The following TMC2 variants were observed in gnomAD, a reference collection of about 807,000 sequenced individuals.
The protein encoded by TMC2 is transmembrane channel-like protein 2.
Under a neutral mutation model 105.9 loss-of-function variants are expected in TMC2, and 102 were observed. The ratio of observed to expected loss-of-function variants is 0.96; its 90% CI spans 0.82 to 1.14. The LOEUF is 1.14. Ranked by LOEUF, TMC2 falls within the 50% of genes most tolerant of loss-of-function variation. The pLI is 0.00. For missense variants in TMC2, 1,093 were observed against 1,134.3 expected, an observed-to-expected ratio of 0.96 and a Z score of 0.52; for synonymous variants, 402 against 422.8, an observed-to-expected ratio of 0.95 and a Z score of 0.60.
chr20:2,581,964 T>G (rs1439846909), intron 7 of TMC2, among the ~76,000 whole-genome samples: 1 of 150,754 alleles, frequency 6.6e-6, no homozygotes, highest in African/African-American at 2.4e-5. Flanking sequence ...CATACTGGAG[T>G]GGGTTGAGAG....
chr20:2,622,059 T>C (rs2086529220), intron 16 of TMC2, among the ~76,000 whole-genome samples: 2 of 152,160 alleles, frequency 1.3e-5, no homozygotes, highest in South Asian at 4.2e-4. Flanking sequence ...AAATGAAACA[T>C]TGTCATACAG....
At chr20:2,568,088 A>G (rs570944280) in intron 4 of TMC2, among the ~76,000 whole-genome samples, 14 of 152,362 alleles carry the variant, frequency 9.2e-5, no homozygotes, top group African/African-American at 3.4e-4. Flanking sequence ...ATTCAAAGAA[A>G]TTATGGCTAA....
rs866511297 is a variant in TMC2 at position 2,537,329 on chromosome 20, G to C, written c.82+13G>C. 6.3e-7 allele frequency: 1 copy of C among 1,594,510 alleles called. No homozygotes were observed. The highest frequency in any genetic ancestry group is 8.5e-7 in the Non-Finnish European group (1 of 1,170,336). The stretch of plus-strand genomic sequence containing the variant: ...TCTCCACACACAGGTGAGATGGGGT[G>C]GTGGGGTCTCTGGGGAGCCTGCAGT... On this transcript the variant is annotated intron_variant, in intron 2 of 19. Coordinates refer to ENST00000358864, the MANE Select transcript of TMC2 (RefSeq NM_080751.3).
intron 5 of TMC2, 144 bp downstream of exon 5, chr20:2,572,413 G>A (rs1008862291): frequency 9.1e-5 from 59 of 645,464 alleles, no homozygotes; most frequent in Non-Finnish European, 1.4e-4. Flanking sequence ...TGACCATTCT[G>A]ATCCATCTAG....
At chr20:2,632,836 G>A (rs1461819675) in intron 17 of TMC2, among the ~76,000 whole-genome samples, 3 of 152,116 alleles carry the variant, frequency 2.0e-5, no homozygotes, top group Non-Finnish European at 2.9e-5. Flanking sequence ...TGATTCACCC[G>A]CCTCAGCCTC....
At position 2,616,248 on chromosome 20, in the gene TMC2, C is replaced by A; in HGVS notation, c.1940+44C>A. On this transcript the variant is annotated intron_variant, in intron 15 of 19. Transcript: ENST00000358864. This position sits in a 1 kb window ranked among gnomAD's most constrained non-coding sequence, Gnocchi z 4.8. ...CTGGTGATCGCCTCATCCAAGGAGTCAAAAAACTGGAATCCCAGACTTTGC... is the reference window on the plus strand; with the variant it reads ...CTGGTGATCGCCTCATCCAAGGAGTAAAAAAACTGGAATCCCAGACTTTGC... 1 of 1,541,742 alleles carries A rather than the reference C, an allele frequency of 6.5e-7. No homozygotes were observed. Among genetic ancestry groups the A allele is most frequent in the Non-Finnish European group, 9.0e-7 (1 of 1,115,088 alleles).
intron 16 of TMC2, among the ~76,000 whole-genome samples, chr20:2,618,557 C>G (rs1449467713): frequency 6.6e-6 from 1 of 152,232 alleles, no homozygotes; most frequent in Admixed American, 6.5e-5. Flanking sequence ...CAGACCTCAA[C>G]TGAGCTCTCT....
At chr20:2,608,883 T>C (rs992711683) in intron 11 of TMC2, among the ~76,000 whole-genome samples, 4 of 152,262 alleles carry the variant, frequency 2.6e-5, no homozygotes, top group African/African-American at 9.6e-5. Flanking sequence ...GGGCAGAGTG[T>C]GTGTGACTTT....
At chr20:2,614,088 A>C (rs1245173335) in intron 14 of TMC2, 1 of 152,186 alleles carries the variant, frequency 6.6e-6, no homozygotes, top group East Asian at 1.9e-4. Flanking sequence ...GTTTTAAACA[A>C]GTCTGCTGAG....
At chr20:2,631,237 C>A (rs1483954871) in intron 17 of TMC2, among the ~76,000 whole-genome samples, 1 of 152,194 alleles carries the variant, frequency 6.6e-6, no homozygotes, top group African/African-American at 2.4e-5. Context: ...CAGGTTGTTT[C>A]TGCCACACAA....
chr20:2,617,345 C>A (rs372656629), intron 16 of TMC2, 34 bp downstream of exon 16: 6 of 1,612,782 alleles, frequency 3.7e-6, no homozygotes, highest in Admixed American at 1.7e-5. Flanking sequence ...AGCACCTCCC[C>A]TCCCGAGGCA....
chr20:2,617,336 G>A, intron 16 of TMC2, 25 bp downstream of exon 16: 1 of 1,613,432 alleles, frequency 6.2e-7, no homozygotes, highest in Non-Finnish European at 8.5e-7. Flanking sequence ...TTGCCCGGGA[G>A]CACCTCCCCT....
At chr20:2,581,290 T>C (rs1289709223) in intron 7 of TMC2, among the ~76,000 whole-genome samples, 2 of 152,212 alleles carry the variant, frequency 1.3e-5, no homozygotes, top group Non-Finnish European at 2.9e-5. Flanking sequence ...ATTCATAAAA[T>C]TGTTGAATTC....
At position 2,589,270 on chromosome 20, in the gene TMC2, C is replaced by CTTTGTGTGTGTGTGTGTGTGTGTG. The variant is rs1555774377; in HGVS notation, c.835-3039_835-3038insTTGTGTGTGTGTGTGTGTGTGTGT. On this transcript the variant is annotated intron_variant, in intron 7 of 19. Transcript: ENST00000358864. Reference sequence around the variant, plus strand: ...TTTTCCAGATATCTTCCTATTTGCCCTGTGTGTGTGTGTGTGTGTGTGTGT... The same window carrying CTTTGTGTGTGTGTGTGTGTGTGTG: ...TTTTCCAGATATCTTCCTATTTGCCCTTTGTGTGTGTGTGTGTGTGTGTGTGTGTGTGTGTGTGTGTGTGTGTGT... Among the ~76,000 whole-genome samples, 25 of 116,352 alleles carry CTTTGTGTGTGTGTGTGTGTGTGTG rather than the reference C, an allele frequency of 2.1e-4. 1 individual carries two copies. The highest frequency in any genetic ancestry group is 9.7e-4 in the African/African-American group (25 of 25,824). 76.3% of individuals were successfully genotyped at this position (116,352 alleles called of 152,430 possible). A position where few individuals can be genotyped will look rare whatever the true frequency, so the allele number is the denominator to read the frequency against.
intron 10 of TMC2, among the ~76,000 whole-genome samples, 174 bp from the exon 11 acceptor site, chr20:2,601,939 C>G (rs1385143571): frequency 1.3e-5 from 2 of 152,158 alleles, no homozygotes; most frequent in Non-Finnish European, 2.9e-5. Context: ...GCAATAACAA[C>G]AAACATATTT....
chr20:2,546,263 A>G (rs6138359), intron 2 of TMC2, among the ~76,000 whole-genome samples: 44,131 of 152,118 alleles, frequency 0.29, 7,134 homozygotes, highest in Admixed American at 0.4. Flanking sequence ...GAAACTGGGT[A>G]GCTCCTGAAG....
intron 19 of TMC2, among the ~76,000 whole-genome samples, chr20:2,640,264 G>C (rs1470424434): frequency 2.0e-5 from 3 of 152,134 alleles, no homozygotes; most frequent in Non-Finnish European, 4.4e-5. Flanking sequence ...CCAAAGTGCT[G>C]GGATTACAGG....
At chr20:2,552,220 T>G (rs1666257530) in intron 2 of TMC2, among the ~76,000 whole-genome samples, 1 of 152,226 alleles carries the variant, frequency 6.6e-6, no homozygotes, top group Non-Finnish European at 1.5e-5. Flanking sequence ...TTCGTGCCAT[T>G]GCACTCCAGC....
intron 2 of TMC2, among the ~76,000 whole-genome samples, chr20:2,539,238 G>A (rs1156270070): frequency 1.3e-5 from 2 of 152,154 alleles, no homozygotes; most frequent in Non-Finnish European, 2.9e-5. Context: ...TGTGGAGTCT[G>A]TTGAAAACTG....
Sources: allele counts gnomAD v4.1 joint callset (sites outside exome capture counted in the v4.1 genomes callset), GRCh38; gene constraint gnomAD v4.1.1; non-coding constraint Gnocchi (gnomAD v3.1); transcripts MANE v1.5; gene names NCBI Gene and HGNC (gene_info 2026-07-23, HGNC 2026-07-21).